The following RUFY3 variants were observed in gnomAD, a reference collection of about 807,000 sequenced individuals.
RUFY3 encodes RUN and FYVE domain containing 3, also known as protein RUFY3.
A neutral mutation model predicts 84.0 loss-of-function variants in RUFY3; 34 were observed. That is an observed-to-expected ratio of 0.40 (90% CI 0.31 to 0.54). RUFY3 has a LOEUF of 0.54. RUFY3 is among the 20% of genes least tolerant of loss of function. The probability of loss-of-function intolerance (pLI) is 0.39; values close to 1 mark genes in which losing one functional copy is unlikely to be tolerated. For missense variants in RUFY3, 507 were observed against 736.8 expected, an observed-to-expected ratio of 0.69 and a Z score of 3.61; for synonymous variants, 242 against 252.9, an observed-to-expected ratio of 0.96 and a Z score of 0.41.
chr4:70,768,812 A>T, intron 5 of RUFY3, 151 bp downstream of exon 5: 2 of 788,682 alleles, frequency 2.5e-6, no homozygotes, highest in African/African-American at 3.4e-5. Context: ...TAAAAAAAAG[A>T]TTGTTTTTCC....
intron 1 of RUFY3, among the ~76,000 whole-genome samples, chr4:70,736,664 C>T (rs1044876487): frequency 3.3e-5 from 5 of 151,972 alleles, no homozygotes; most frequent in African/African-American, 1.2e-4. Context: ...CTCTGCCTCC[C>T]GGGTTCAAGT....
upstream of RUFY3, among the ~76,000 whole-genome samples, chr4:70,718,896 G>A (rs1265990293): frequency 6.6e-6 from 1 of 151,968 alleles, no homozygotes; most frequent in Non-Finnish European, 1.5e-5. Flanking sequence ...TGTATTTTTA[G>A]TAAAGATGGC....
At chr4:70,785,917 A>G (rs1298704687) in intron 10 of RUFY3, among the ~76,000 whole-genome samples, 1 of 152,242 alleles carries the variant, frequency 6.6e-6, no homozygotes, top group Non-Finnish European at 1.5e-5. Flanking sequence ...TCCAAAGGAA[A>G]TGAAATCAGT....
At chr4:70,739,078 G>T (rs536231424) in intron 1 of RUFY3, among the ~76,000 whole-genome samples, 125 of 147,608 alleles carry the variant, frequency 8.5e-4, no homozygotes, top group Non-Finnish European at 1.6e-3. Flanking sequence ...AGGGCTATTT[G>T]TCTTTTTTTT....
chr4:70,757,839 A>C (rs766212023), intron 1 of RUFY3, among the ~76,000 whole-genome samples: 1 of 152,202 alleles, frequency 6.6e-6, no homozygotes, highest in African/African-American at 2.4e-5. Context: ...CACATAGTAG[A>C]TGTTCAATAT....
chr4:70,705,942 T>G (rs907239362), intron 1 of RUFY3, among the ~76,000 whole-genome samples: 1 of 152,186 alleles, frequency 6.6e-6, no homozygotes, highest in Non-Finnish European at 1.5e-5. Flanking sequence ...AATGTGTGGC[T>G]TTGGAAGGCT....
chr4:70,793,048 A>G (rs1731062843), intron 12 of RUFY3: 1 of 985,288 alleles, frequency 1.0e-6, no homozygotes, highest in African/African-American at 1.7e-5. Context: ...TTTACCTTCT[A>G]AAACATGCTT....
chr4:70,805,785 G>A (rs1419614446), intron 17 of RUFY3, among the ~76,000 whole-genome samples: 3 of 152,130 alleles, frequency 2.0e-5, no homozygotes. Flanking sequence ...TCAACCTCAG[G>A]AAGATGAATT....
At chr4:70,718,497 T>C (rs962871992), upstream of RUFY3, among the ~76,000 whole-genome samples, 5 of 152,172 alleles carry the variant, frequency 3.3e-5, no homozygotes, top group Admixed American at 3.3e-4. Context: ...GGCCACAGAC[T>C]GAACTCCCAC....
chr4:70,750,897 ATGT>A (rs1723033567), intron 1 of RUFY3, among the ~76,000 whole-genome samples: 1 of 152,272 alleles, frequency 6.6e-6, no homozygotes, highest in South Asian at 2.1e-4. Context: ...AGGGTTATCC[ATGT>A]TGTAGCATGT....
chr4:70,760,952 C>G (rs1412967233), intron 1 of RUFY3, among the ~76,000 whole-genome samples: 1 of 152,198 alleles, frequency 6.6e-6, no homozygotes, highest in Non-Finnish European at 1.5e-5. Flanking sequence ...CCATTTGACT[C>G]TGCTCATTTA....
intron 8 of RUFY3, among the ~76,000 whole-genome samples, chr4:70,779,783 A>G (rs1728596525): frequency 6.6e-6 from 1 of 151,980 alleles, no homozygotes; most frequent in East Asian, 1.9e-4. Flanking sequence ...CATGTTGCCC[A>G]TGCTGGTCCT....
In RUFY3 at chr4:70,806,457, C is replaced by A. The variant is rs187994738; in HGVS notation, c.1720-59C>A. 10 of 1,593,730 alleles carry A rather than the reference C, an allele frequency of 6.3e-6. No individual in the cohort carries two copies. In the Admixed American group the frequency reaches 1.5e-4, roughly 24 times the overall value. ...TTTGCCATATTTGGCTTTTTATATCCCATGAATCCTTATGCCTTGCTCATC... is the reference window on the plus strand; with the variant it reads ...TTTGCCATATTTGGCTTTTTATATCACATGAATCCTTATGCCTTGCTCATC... On this transcript the variant is annotated intron_variant, in intron 17 of 17. Transcript: ENST00000381006.
intron 7 of RUFY3, among the ~76,000 whole-genome samples, chr4:70,776,495 C>T (rs1394211072): frequency 6.6e-6 from 1 of 152,182 alleles, no homozygotes; most frequent in Non-Finnish European, 1.5e-5. Flanking sequence ...ATTAAAGAGG[C>T]CGGGAGCAGT....
chr4:70,729,712 G>A (rs982679487), intron 1 of RUFY3, among the ~76,000 whole-genome samples: 7 of 151,970 alleles, frequency 4.6e-5, no homozygotes, highest in Non-Finnish European at 7.4e-5. Flanking sequence ...AGTTTAAGCC[G>A]GATTCTTCAA....
rs139869684 is a variant in RUFY3 at position 70,708,737 on chromosome 4, G to T, written c.358+3443G>T. On this transcript the variant is annotated intron_variant, in intron 1 of 11. Transcript: ENST00000417478. ...TCAGAAGCTCTGTTTTTAAATAACA[G>T]TGCTGAAGAATAGCAAAAATGTGTG... Among the ~76,000 whole-genome samples, 84 of 152,292 alleles carry T rather than the reference G, an allele frequency of 5.5e-4. 1 individual carries two copies. Among genetic ancestry groups the T allele is most frequent in the African/African-American group, 1.8e-3 (76 of 41,560 alleles).
intron 1 of RUFY3, among the ~76,000 whole-genome samples, chr4:70,716,831 AC>A (rs1454757619): frequency 1.3e-5 from 2 of 149,660 alleles, no homozygotes; most frequent in East Asian, 3.9e-4. Context: ...TATGACAAGA[AC>A]AAAACTCTGT....
At chr4:70,762,779 A>G in intron 2 of RUFY3, 87 bp downstream of exon 2, 1 of 1,139,084 alleles carries the variant, frequency 8.8e-7, no homozygotes, top group Non-Finnish European at 1.2e-6. Flanking sequence ...TGTGGAGCCA[A>G]AGAATAAGAG....
chr4:70,704,220 T>C (rs1027008224), upstream of RUFY3: 6 of 152,174 alleles, frequency 3.9e-5, no homozygotes, highest in Non-Finnish European at 8.8e-5. Context: ...AGGATTTCAG[T>C]ACAGCGCACA....
Sources: gnomAD v4.1 joint callset for allele counts (sites outside exome capture counted in the v4.1 genomes callset) on GRCh38, gnomAD v4.1.1 for gene constraint, MANE v1.5 for transcripts, NCBI Gene and HGNC (gene_info 2026-07-23, HGNC 2026-07-21) for gene names.